The following SNW1 variants were observed in gnomAD, a reference collection of about 807,000 sequenced individuals.
SNW1 encodes SNW domain containing 1.
Under a neutral mutation model 75.6 loss-of-function variants are expected in SNW1, and 9 were observed. The ratio of observed to expected loss-of-function variants is 0.12; its 90% CI spans 0.07 to 0.21. The LOEUF (loss-of-function observed/expected upper bound fraction) is 0.21, where lower values mean the gene tolerates loss of function less well. Ranked by LOEUF, SNW1 falls within the 10% of genes least tolerant of loss-of-function variation. SNW1 has a pLI of 1.00. For missense variants in SNW1, 409 were observed against 670.9 expected, an observed-to-expected ratio of 0.61 and a Z score of 4.31; for synonymous variants, 200 against 219.1, an observed-to-expected ratio of 0.91 and a Z score of 0.77.
At chr14:77,743,086 G>A (rs892386740) in intron 3 of SNW1, among the ~76,000 whole-genome samples, 1 of 151,832 alleles carries the variant, frequency 6.6e-6, no homozygotes, top group Admixed American at 6.6e-5. Context: ...TTAGTCAGGC[G>A]TGGTGGCACA....
intron 1 of SNW1, 138 bp downstream of exon 1, chr14:77,760,976 G>A: frequency 1.3e-6 from 2 of 1,596,724 alleles, no homozygotes; most frequent in South Asian, 1.1e-5. Context: ...GCGGCCAGCG[G>A]GAGGGCGTAG....
Position 77,761,145 on chromosome 14 carries a change from A to G in SNW1, c.-18T>C, listed in dbSNP as rs1466864075. On this transcript the variant is annotated 5_prime_UTR_variant, in exon 1 of 14. Transcript: ENST00000261531. The stretch of plus-strand genomic sequence containing the variant: ...AGCGCCATCTTCTTCCGCTTCTTCC[A>G]GCGCGAGCGACAGCACCGCTGGGCG... 3 of 1,614,270 alleles carry G rather than the reference A, an allele frequency of 1.9e-6. No homozygotes were observed. Among genetic ancestry groups the G allele is most frequent in the Non-Finnish European group, 2.5e-6 (3 of 1,180,048 alleles).
chr14:77,756,046 A>G (rs987343470), intron 1 of SNW1, among the ~76,000 whole-genome samples: 2 of 151,764 alleles, frequency 1.3e-5, no homozygotes, highest in African/African-American at 4.8e-5. Flanking sequence ...GCCTGTTTCC[A>G]TATTTCTTAT....
chr14:77,749,213 T>C (rs1240324632), intron 3 of SNW1, among the ~76,000 whole-genome samples: 1 of 152,204 alleles, frequency 6.6e-6, no homozygotes, highest in African/African-American at 2.4e-5. Flanking sequence ...GCTGTGTTTT[T>C]TGGTTAAAGT....
intron 1 of SNW1, among the ~76,000 whole-genome samples, chr14:77,758,746 C>T (rs923730416): frequency 1.8e-4 from 27 of 152,198 alleles, no homozygotes; most frequent in African/African-American, 6.5e-4. Flanking sequence ...TTAAAACAAA[C>T]TCAGTTTCTC....
chr14:77,748,199 T>A (rs964585853), intron 3 of SNW1, among the ~76,000 whole-genome samples: 17 of 152,188 alleles, frequency 1.1e-4, no homozygotes, highest in African/African-American at 3.6e-4. Context: ...GTTAAACAGA[T>A]GCTTGAAGGC....
At chr14:77,754,553 T>C (rs1566837150) in intron 2 of SNW1, among the ~76,000 whole-genome samples, 2 of 152,130 alleles carry the variant, frequency 1.3e-5, no homozygotes, top group South Asian at 2.1e-4. Flanking sequence ...CTACTGGAGT[T>C]TTCCCTGAAG....
intron 7 of SNW1, among the ~76,000 whole-genome samples, chr14:77,735,359 C>T (rs567049030): frequency 2.0e-5 from 3 of 152,226 alleles, no homozygotes; most frequent in African/African-American, 7.2e-5. Context: ...AATCTTGGCT[C>T]ACCACAACCT....
intron 2 of SNW1, among the ~76,000 whole-genome samples, chr14:77,753,279 G>A (rs765763840): frequency 2.0e-5 from 3 of 152,170 alleles, no homozygotes; most frequent in Non-Finnish European, 4.4e-5. Flanking sequence ...TGAAATGCAT[G>A]GATGAGATTT....
intron 10 of SNW1, among the ~76,000 whole-genome samples, chr14:77,726,511 C>T (rs950574929): frequency 7.2e-5 from 11 of 152,130 alleles, no homozygotes; most frequent in African/African-American, 2.6e-4. Flanking sequence ...CGATCTTTCA[C>T]TTCTTTGGTT....
At chr14:77,728,375 C>T (rs2080602433) in intron 10 of SNW1, among the ~76,000 whole-genome samples, 1 of 152,100 alleles carries the variant, frequency 6.6e-6, no homozygotes. Flanking sequence ...TGCTTGAACC[C>T]AGGAGGCGGA....
chr14:77,759,828 A>T (rs1566839018), intron 1 of SNW1, among the ~76,000 whole-genome samples: 1 of 139,666 alleles, frequency 7.2e-6, no homozygotes, highest in East Asian at 1.9e-4. Context: ...TTTTAAAAAA[A>T]TTTCAGATGC....
intron 8 of SNW1, among the ~76,000 whole-genome samples, chr14:77,734,583 G>A (rs907588142): frequency 2.6e-5 from 4 of 152,024 alleles, no homozygotes; most frequent in Non-Finnish European, 4.4e-5. Context: ...ACTAAAATAC[G>A]AAAAATTAGC....
At chr14:77,730,831 C>T (rs1366292242) in intron 10 of SNW1, 157 bp downstream of exon 10, 4 of 738,444 alleles carry the variant, frequency 5.4e-6, no homozygotes, top group Non-Finnish European at 8.5e-6. Flanking sequence ...CTTCAGCTTA[C>T]TAAGGCAGAG....
At chr14:77,735,146 A>AT in intron 7 of SNW1, 134 bp from the exon 8 acceptor site, 1 of 561,378 alleles carries the variant, frequency 1.8e-6, no homozygotes, top group Non-Finnish European at 3.2e-6. Context: ...CCAGCAGTCC[A>AT]TTTGTTTGCT....
chr14:77,749,742 A>C (rs1465954176), intron 3 of SNW1, among the ~76,000 whole-genome samples: 1 of 152,266 alleles, frequency 6.6e-6, no homozygotes, highest in Non-Finnish European at 1.5e-5. Flanking sequence ...ACTACAATCT[A>C]AAAAAGAATA....
At chr14:77,720,437 C>G in intron 12 of SNW1, 1 of 694,572 alleles carries the variant, frequency 1.4e-6, no homozygotes, top group Non-Finnish European at 2.6e-6. Context: ...GCCTGGCCTC[C>G]CTGGTTCTAT....
chr14:77,738,826 G>GCT lies in SNW1; in HGVS notation c.483_484dup (p.Ala162GlufsTer40). The stretch of plus-strand genomic sequence containing the variant: ...TTTGTCAGCTGCTCGAACTGGCATG[G>GCT]CTGCGGCGACCTTCTGTGATACAGA... On this transcript the variant is annotated frameshift_variant, in exon 5 of 14. Transcript: ENST00000261531. LOFTEE classifies it high-confidence loss of function. 6.2e-7 allele frequency: 1 copy of GCT among 1,614,184 alleles called. No homozygotes were observed. The highest frequency in any genetic ancestry group is 8.5e-7 in the Non-Finnish European group (1 of 1,180,026).
At chr14:77,735,430 C>T (rs2080662872) in intron 7 of SNW1, among the ~76,000 whole-genome samples, 1 of 152,034 alleles carries the variant, frequency 6.6e-6, no homozygotes, top group African/African-American at 2.4e-5. Flanking sequence ...GGATTATAGG[C>T]ATGCGCCACC....
Sources: allele counts gnomAD v4.1 joint callset (sites outside exome capture counted in the v4.1 genomes callset), GRCh38; gene constraint gnomAD v4.1.1; transcripts MANE v1.5; gene names NCBI Gene and HGNC (gene_info 2026-07-23, HGNC 2026-07-21).